The following EXOC4 variants were observed in gnomAD, a reference collection of about 807,000 sequenced individuals.
EXOC4 encodes the protein SEC8-like 1.
A neutral mutation model predicts 107.2 loss-of-function variants in EXOC4; 71 were observed. That is an observed-to-expected ratio of 0.66 (90% confidence interval 0.55 to 0.81). The LOEUF is 0.81. Among genes scored for constraint, EXOC4 ranks in the 30% least tolerant of loss-of-function variants. EXOC4 has a pLI of 0.00. For missense variants in EXOC4, 1,108 were observed against 1,189.6 expected (o/e 0.93, Z 1.01); for synonymous variants, 456 against 441.2 (o/e 1.03, Z -0.42).
chr7:133,880,249 C>T (rs939278647), intron 11 of EXOC4, among the ~76,000 whole-genome samples: 2 of 152,190 alleles, frequency 1.3e-5, no homozygotes, highest in Non-Finnish European at 2.9e-5. Flanking sequence ...ATTACCATCA[C>T]CCCTGAAAAG....
chr7:133,516,608 T>G (rs1050078507), intron 9 of EXOC4, among the ~76,000 whole-genome samples: 19 of 152,098 alleles, frequency 1.2e-4, no homozygotes, highest in Non-Finnish European at 2.5e-4. Flanking sequence ...TTTCCAATTT[T>G]TGGGTACTAT....
chr7:134,011,785 TAAAAA>T (rs58603369), intron 17 of EXOC4, among the ~76,000 whole-genome samples: 1 of 138,274 alleles, frequency 7.2e-6, no homozygotes, highest in African/African-American at 2.6e-5. Context: ...ATGCTGTAGT[TAAAAA>T]AAAAAAAAAA....
At chr7:133,815,149 C>T (rs543845559) in intron 10 of EXOC4, among the ~76,000 whole-genome samples, 178 of 151,986 alleles carry the variant, frequency 1.2e-3, no homozygotes, top group African/African-American at 3.8e-3. Context: ...GAGGCCGAAG[C>T]GGGCAGATCA....
chr7:133,945,835 A>G (rs1386864917), intron 14 of EXOC4, among the ~76,000 whole-genome samples: 1 of 152,214 alleles, frequency 6.6e-6, no homozygotes, highest in Non-Finnish European at 1.5e-5. Flanking sequence ...TTGTGCCTTA[A>G]TAGTAAATGA....
At chr7:133,283,708 G>A (rs895775371) in intron 2 of EXOC4, among the ~76,000 whole-genome samples, 2 of 152,132 alleles carry the variant, frequency 1.3e-5, no homozygotes, top group African/African-American at 4.8e-5. Context: ...ATATATCACT[G>A]AATGTGTTAC....
At chr7:134,026,171 G>A (rs1022990921) in intron 17 of EXOC4, among the ~76,000 whole-genome samples, 11 of 152,084 alleles carry the variant, frequency 7.2e-5, no homozygotes, top group Admixed American at 2.6e-4. Flanking sequence ...GATTCAGACC[G>A]TATCAGCAAG....
At chr7:133,605,626 A>C (rs1289684052) in intron 9 of EXOC4, among the ~76,000 whole-genome samples, 2 of 152,114 alleles carry the variant, frequency 1.3e-5, no homozygotes, top group East Asian at 3.9e-4. Context: ...CAAGCTGGGG[A>C]TTGCAGGTGG....
intron 10 of EXOC4, among the ~76,000 whole-genome samples, chr7:133,670,084 G>A (rs1562900268): frequency 6.6e-6 from 1 of 152,256 alleles, no homozygotes; most frequent in South Asian, 2.1e-4. Context: ...CATTAAGATT[G>A]CAAATAACTG....
chr7:133,424,570 A>G (rs1584906387), intron 7 of EXOC4, among the ~76,000 whole-genome samples: 1 of 152,308 alleles, frequency 6.6e-6, no homozygotes, highest in Non-Finnish European at 1.5e-5. Context: ...ACCAATTCCA[A>G]CACAATAGGT....
At chr7:133,653,297 ACTGGCTTTTT>A (rs1366344510) in intron 10 of EXOC4, among the ~76,000 whole-genome samples, 1 of 152,168 alleles carries the variant, frequency 6.6e-6, no homozygotes, top group African/African-American at 2.4e-5. Flanking sequence ...CTTAGCTTTC[ACTGGCTTTTT>A]CGCCCTAAAG....
intron 11 of EXOC4, among the ~76,000 whole-genome samples, chr7:133,853,182 A>T (rs955761162): frequency 1.3e-5 from 2 of 152,112 alleles, no homozygotes; most frequent in African/African-American, 4.8e-5. Context: ...TTAGCATGAC[A>T]TGGAGGGTAA....
chr7:133,547,818 G>A (rs1413976054), intron 9 of EXOC4, among the ~76,000 whole-genome samples: 1 of 151,968 alleles, frequency 6.6e-6, no homozygotes, highest in Non-Finnish European at 1.5e-5. Context: ...TCCTCCACTG[G>A]AGTCTTGAAC....
intron 5 of EXOC4, among the ~76,000 whole-genome samples, chr7:133,333,885 T>C (rs1051310274): frequency 2.6e-5 from 4 of 152,188 alleles, no homozygotes; most frequent in African/African-American, 4.8e-5. Context: ...TGCTAACCAA[T>C]GAAAAACAAT....
intron 14 of EXOC4, among the ~76,000 whole-genome samples, chr7:133,971,466 A>G (rs1801236296): frequency 6.7e-6 from 1 of 148,284 alleles, no homozygotes. Context: ...AGAATATGTG[A>G]ATATATATAC....
intron 14 of EXOC4, among the ~76,000 whole-genome samples, chr7:133,997,188 C>CCT (rs1324772814): frequency 2.6e-5 from 4 of 152,166 alleles, no homozygotes; most frequent in African/African-American, 9.7e-5. Context: ...ACAGTGAAGG[C>CCT]CTCTTCCAAC....
At chr7:133,277,475 G>T (rs549455683) in intron 2 of EXOC4, among the ~76,000 whole-genome samples, 3 of 152,208 alleles carry the variant, frequency 2.0e-5, no homozygotes, top group Non-Finnish European at 4.4e-5. Context: ...ATTCTGAGTC[G>T]ATAACATCTT....
At chr7:133,542,169 T>TTGTG (rs3046171) in intron 9 of EXOC4, among the ~76,000 whole-genome samples, 94,435 of 146,856 alleles carry the variant, frequency 0.64, 33,093 homozygotes, top group East Asian at 0.77. Context: ...AAATTTTATC[T>TTGTG]TGTGTGTGTG....
At chr7:133,552,142 A>G (rs1265932720) in intron 9 of EXOC4, among the ~76,000 whole-genome samples, 1 of 152,148 alleles carries the variant, frequency 6.6e-6, no homozygotes, top group Admixed American at 6.6e-5. Flanking sequence ...ACTACATGAT[A>G]TTGCAGTTGT....
chr7:133,400,167 A>G (rs578196742), intron 7 of EXOC4, among the ~76,000 whole-genome samples: 260 of 152,334 alleles, frequency 1.7e-3, no homozygotes, highest in African/African-American at 5.7e-3. Context: ...GCAGAAGACT[A>G]TTAGGGTTGA....
Sources: allele counts gnomAD v4.1 joint callset (sites outside exome capture counted in the v4.1 genomes callset), GRCh38; gene constraint gnomAD v4.1.1; transcripts MANE v1.5; gene names NCBI Gene and HGNC (gene_info 2026-07-23, HGNC 2026-07-21).